GRK5: variants seen among roughly 807,000 people sequenced by gnomAD.
GRK5 encodes G protein-coupled receptor kinase 5, also known as g protein-coupled receptor kinase GRK5.
GRK5 carries 40 observed loss-of-function variants against 78.4 expected under a neutral mutation model. That is an observed-to-expected ratio of 0.51 (90% CI 0.40 to 0.66). The LOEUF is 0.66. Among genes scored for constraint, GRK5 ranks in the 30% least tolerant of loss-of-function variants. The pLI is 0.00. For synonymous variants in GRK5, 289 were observed against 296.8 expected (o/e 0.97, Z 0.27); for missense variants, 598 against 759.9 (o/e 0.79, Z 2.50).
intron 1 of GRK5, among the ~76,000 whole-genome samples, chr10:119,215,089 A>T (rs1848548681): frequency 6.6e-6 from 1 of 152,168 alleles, no homozygotes; most frequent in African/African-American, 2.4e-5. Context: ...ACAGGGAATG[A>T]CCGAAAAGAT....
At chr10:119,433,476 C>T (rs77110219) in intron 8 of GRK5, among the ~76,000 whole-genome samples, 2,600 of 152,038 alleles carry the variant, frequency 0.017, 76 homozygotes, top group African/African-American at 0.059. Flanking sequence ...TCCACGGCCC[C>T]GGCAGGGAGT....
intron 4 of GRK5, among the ~76,000 whole-genome samples, chr10:119,417,410 G>T (rs577754218): frequency 5.1e-4 from 78 of 152,330 alleles, no homozygotes; most frequent in Non-Finnish European, 8.7e-4. Context: ...ACCTGGGAGG[G>T]GTGCGGCAAT....
At chr10:119,220,138 C>T (rs1472164481) in intron 1 of GRK5, among the ~76,000 whole-genome samples, 3 of 152,202 alleles carry the variant, frequency 2.0e-5, no homozygotes, top group African/African-American at 7.2e-5. Context: ...CTGTAATCCT[C>T]TCTGAAGAGG....
At chr10:119,402,493 T>C (rs1222035144) in intron 4 of GRK5, among the ~76,000 whole-genome samples, 2 of 152,142 alleles carry the variant, frequency 1.3e-5, no homozygotes, top group Non-Finnish European at 2.9e-5. Flanking sequence ...ATGTTCCCAT[T>C]GTAATAATAA....
At chr10:119,427,938 C>A (rs992086554) in intron 6 of GRK5, among the ~76,000 whole-genome samples, 11 of 36,762 alleles carry the variant, frequency 3.0e-4, no homozygotes, top group East Asian at 9.2e-4. Context: ...CATCATCAGC[C>A]TCACTGCCAT....
At chr10:119,248,484 G>A (rs1031282599) in intron 1 of GRK5, among the ~76,000 whole-genome samples, 1 of 151,994 alleles carries the variant, frequency 6.6e-6, no homozygotes, top group South Asian at 2.1e-4. Flanking sequence ...AATTTATTGA[G>A]CCATTTCCTC....
chr10:119,343,264 T>TGAGA (rs58146681), intron 2 of GRK5, among the ~76,000 whole-genome samples: 12 of 148,994 alleles, frequency 8.1e-5, no homozygotes, highest in Admixed American at 4.0e-4. Flanking sequence ...AGTGAACAGA[T>TGAGA]GAGAGAGAGA....
intron 2 of GRK5, among the ~76,000 whole-genome samples, chr10:119,337,240 T>G (rs1251316170): frequency 6.6e-6 from 1 of 152,228 alleles, no homozygotes; most frequent in Admixed American, 6.5e-5. Context: ...CATTTCCAGA[T>G]AAGTGAACTG....
chr10:119,448,491 A>G (rs1853207302), intron 13 of GRK5, among the ~76,000 whole-genome samples: 2 of 152,252 alleles, frequency 1.3e-5, no homozygotes, highest in African/African-American at 2.4e-5. Context: ...AGACTTGGGC[A>G]CTTTCCCAGG....
chr10:119,282,786 G>A (rs1442557503), intron 1 of GRK5, among the ~76,000 whole-genome samples: 2 of 152,198 alleles, frequency 1.3e-5, no homozygotes, highest in East Asian at 1.9e-4. Context: ...AGAGGCTTCC[G>A]GGAGGCTTCT....
At chr10:119,420,173 A>C (rs1852540178) in intron 4 of GRK5, among the ~76,000 whole-genome samples, 1 of 152,222 alleles carries the variant, frequency 6.6e-6, no homozygotes, top group East Asian at 1.9e-4. Flanking sequence ...TAGCCACCTC[A>C]GGATATGATT....
intron 1 of GRK5, among the ~76,000 whole-genome samples, chr10:119,321,621 T>G (rs1417244909): frequency 6.6e-6 from 1 of 152,234 alleles, no homozygotes; most frequent in African/African-American, 2.4e-5. Flanking sequence ...CAGGATTATG[T>G]CCCTATCATT....
intron 1 of GRK5, among the ~76,000 whole-genome samples, chr10:119,229,537 A>G (rs1289073119): frequency 6.6e-6 from 1 of 152,218 alleles, no homozygotes; most frequent in African/African-American, 2.4e-5. Flanking sequence ...TTGAACTGAC[A>G]TGATTCAAGA....
rs1423945956 is a variant in GRK5, at chr10:119,445,064, G to A, written c.1266+1312G>A. 2.0e-5 allele frequency among the ~76,000 whole-genome samples: 3 copies of A among 152,144 alleles called. No homozygotes were observed. Among genetic ancestry groups the A allele is most frequent in the Non-Finnish European group, 4.4e-5 (3 of 68,022 alleles). ...TCACAGAGCTGTGGGAAGAAGTCCTGTGTGTACAGCAGACCCACACTCTAA... is the reference window on the plus strand; with the variant it reads ...TCACAGAGCTGTGGGAAGAAGTCCTATGTGTACAGCAGACCCACACTCTAA... On this transcript the variant is annotated intron_variant, in intron 12 of 15. Transcript: ENST00000392870. This position sits in a 1 kb window ranked among gnomAD's most constrained non-coding sequence, Gnocchi z 4.1.
intron 13 of GRK5, among the ~76,000 whole-genome samples, chr10:119,448,476 T>A (rs190248970): frequency 1.3e-5 from 2 of 152,324 alleles, no homozygotes; most frequent in Admixed American, 1.3e-4. Flanking sequence ...ACATTGGCTG[T>A]CCAGAGACTT....
intron 6 of GRK5, among the ~76,000 whole-genome samples, 172 bp downstream of exon 6, chr10:119,425,257 G>GCACACACATACACACA (rs1554920920): frequency 1.1e-5 from 1 of 92,462 alleles, no homozygotes; most frequent in African/African-American, 4.8e-5. Context: ...GCTTATTCAA[G>GCACACACATACACACA]CACACACACA....
chr10:119,380,946 G>T lies in GRK5; in HGVS notation c.261+19G>T. ...CTCCGTGGTAAGTTCCTGCTCCTGA[G>T]GGATGGTCCTGTGGTCCTCTGTGAT... On this transcript the variant is annotated intron_variant, in intron 3 of 15. Coordinates refer to ENST00000392870, the MANE Select transcript of GRK5 (RefSeq NM_005308.3). 1 of 1,450,122 alleles carries T rather than the reference G, an allele frequency of 6.9e-7. No individual in the cohort carries two copies. Among genetic ancestry groups the T allele is most frequent in the Non-Finnish European group, 9.7e-7 (1 of 1,030,870 alleles). 89.8% of individuals were successfully genotyped at this position (1,450,122 alleles called of 1,614,324 possible).
chr10:119,234,218 C>T (rs1407741683), intron 1 of GRK5, among the ~76,000 whole-genome samples: 1 of 152,210 alleles, frequency 6.6e-6, no homozygotes, highest in Non-Finnish European at 1.5e-5. Context: ...AAAACAGAAG[C>T]TCAGGGAGGT....
intron 1 of GRK5, among the ~76,000 whole-genome samples, chr10:119,314,323 G>A (rs943530949): frequency 1.3e-5 from 2 of 152,246 alleles, no homozygotes; most frequent in African/African-American, 4.8e-5. Context: ...ACATCAGAGT[G>A]TCAGCCCTTT....
Sources: gnomAD v4.1 joint callset for allele counts (sites outside exome capture counted in the v4.1 genomes callset) on GRCh38, gnomAD v4.1.1 for gene constraint, Gnocchi (gnomAD v3.1) non-coding constraint, MANE v1.5 for transcripts, NCBI Gene and HGNC (gene_info 2026-07-23, HGNC 2026-07-21) for gene names.